Variants in NTRK3 observed in about 807,000 individuals in gnomAD.
NTRK3 encodes NT-3 growth factor receptor.
Under a neutral mutation model 91.7 loss-of-function variants are expected in NTRK3, and 24 were observed. That is an observed-to-expected ratio of 0.26 (90% confidence interval 0.19 to 0.37). The LOEUF (loss-of-function observed/expected upper bound fraction) is 0.37, where lower values mean the gene tolerates loss of function less well. NTRK3 is among the 10% of genes least tolerant of loss of function. The pLI is 1.00. For missense variants in NTRK3, 880 were observed against 1,068.9 expected (o/e 0.82, Z 2.46); for synonymous variants, 483 against 404.0 (o/e 1.20, Z -2.34).
intron 14 of NTRK3, among the ~76,000 whole-genome samples, chr15:88,022,706 C>CA (rs1567240520): frequency 6.6e-6 from 1 of 152,302 alleles, no homozygotes; most frequent in East Asian, 1.9e-4. Context: ...CGGGAAATGA[C>CA]ATTACTCCAA....
At chr15:88,211,476 G>C (rs954563846) in intron 3 of NTRK3, among the ~76,000 whole-genome samples, 1 of 152,170 alleles carries the variant, frequency 6.6e-6, no homozygotes, top group East Asian at 1.9e-4. Flanking sequence ...AGCCATTCAT[G>C]TTTATGTTTT....
intron 13 of NTRK3, among the ~76,000 whole-genome samples, chr15:88,089,784 A>G (rs1567376486): frequency 6.6e-6 from 1 of 152,130 alleles, no homozygotes; most frequent in African/African-American, 2.4e-5. Flanking sequence ...TTTCCCATGA[A>G]GCAGCCAGAG....
intron 3 of NTRK3, chr15:88,209,947 C>G (rs1158523180): frequency 6.6e-6 from 1 of 152,302 alleles, no homozygotes; most frequent in African/African-American, 2.4e-5. Context: ...CTAAACATAT[C>G]CCTCATCCCC....
exon 19 of NTRK3, chr15:87,860,040 C>T (rs953366798): frequency 9.9e-6 from 2 of 202,548 alleles, no homozygotes; most frequent in African/African-American, 2.3e-5. Context: ...TGTTTTTAAA[C>T]AAAAACCAAG....
At chr15:87,875,559 C>G (rs956469765) in exon 19 of NTRK3, 2 of 232,802 alleles carry the variant, frequency 8.6e-6, no homozygotes, top group African/African-American at 2.2e-5. Flanking sequence ...AGCCCTTCCC[C>G]CTACCCCAGC....
At chr15:88,078,107 A>C (rs2047715040) in intron 13 of NTRK3, among the ~76,000 whole-genome samples, 1 of 152,212 alleles carries the variant, frequency 6.6e-6, no homozygotes, top group African/African-American at 2.4e-5. Flanking sequence ...CAGAAGCTTG[A>C]ATCTATAAGG....
intron 6 of NTRK3, among the ~76,000 whole-genome samples, chr15:88,137,781 G>A (rs748076845): frequency 8.5e-5 from 13 of 152,182 alleles, no homozygotes; most frequent in East Asian, 1.9e-4. Flanking sequence ...AGCCAGGTGC[G>A]GTGGCTCATG....
At chr15:88,082,193 G>C (rs1039865141) in intron 13 of NTRK3, among the ~76,000 whole-genome samples, 2 of 151,712 alleles carry the variant, frequency 1.3e-5, no homozygotes, top group Non-Finnish European at 2.9e-5. Context: ...CAGGAGAATG[G>C]AGTGAACCCG....
Position 88,241,197 on chromosome 15 carries a change from C to T in NTRK3, c.248+14709G>A, listed in dbSNP as rs1347067714. 3.3e-5 allele frequency among the ~76,000 whole-genome samples: 5 copies of T among 152,190 alleles called. No individual in the cohort carries two copies. In the East Asian group the frequency reaches 5.8e-4, roughly 18 times the overall value. On this transcript the variant is annotated intron_variant, in intron 3 of 18. Coordinates refer to ENST00000394480, the Ensembl canonical transcript of NTRK3. The surrounding 1 kb of genome is among the most constrained non-coding windows in gnomAD (Gnocchi z 4.3). Reference sequence around the variant, plus strand: ...AGCTGGACTGAGACACTAGCTGTGCCGCCCTCTTCTGTTCAGTGACCTCCT... The same window carrying T: ...AGCTGGACTGAGACACTAGCTGTGCTGCCCTCTTCTGTTCAGTGACCTCCT...
intron 14 of NTRK3, among the ~76,000 whole-genome samples, chr15:88,030,615 T>G (rs894599726): frequency 6.6e-6 from 1 of 152,180 alleles, no homozygotes; most frequent in African/African-American, 2.4e-5. Flanking sequence ...ATTTGGGAAT[T>G]CACTTACTTT....
chr15:88,058,762 G>A (rs531477412), intron 13 of NTRK3, among the ~76,000 whole-genome samples: 1 of 152,218 alleles, frequency 6.6e-6, no homozygotes, highest in South Asian at 2.1e-4. Context: ...GTCATGTTCA[G>A]GAAAGCAATT....
chr15:88,033,067 C>T (rs772318018), intron 13 of NTRK3, 22 bp from the exon 14 acceptor site: 74 of 1,557,174 alleles, frequency 4.8e-5, no homozygotes, highest in Non-Finnish European at 6.3e-5. Flanking sequence ...AAGAGAGACG[C>T]AGGACCTGGT....
intron 3 of NTRK3, among the ~76,000 whole-genome samples, chr15:88,211,103 A>G (rs2049203452): frequency 6.6e-6 from 1 of 152,232 alleles, no homozygotes; most frequent in Non-Finnish European, 1.5e-5. Flanking sequence ...ATGTCATGCA[A>G]ACATCACTTC....
chr15:88,175,068 C>A (rs993666991), intron 5 of NTRK3, among the ~76,000 whole-genome samples: 1 of 152,222 alleles, frequency 6.6e-6, no homozygotes, highest in East Asian at 1.9e-4. Context: ...ATAGATTAGA[C>A]ACCAAGTTTC....
At chr15:88,046,831 G>A (rs768247431) in intron 13 of NTRK3, among the ~76,000 whole-genome samples, 9 of 152,166 alleles carry the variant, frequency 5.9e-5, no homozygotes, top group East Asian at 1.9e-4. Flanking sequence ...TTCGAACAGC[G>A]CTGCAGCAGG....
At chr15:88,009,641 G>A (rs950493253) in intron 14 of NTRK3, among the ~76,000 whole-genome samples, 2 of 152,184 alleles carry the variant, frequency 1.3e-5, no homozygotes, top group Non-Finnish European at 2.9e-5. Flanking sequence ...TGACCCTCCT[G>A]CTGCTGTTTT....
intron 5 of NTRK3, among the ~76,000 whole-genome samples, chr15:88,150,390 C>G (rs1457002284): frequency 6.6e-6 from 1 of 152,204 alleles, no homozygotes; most frequent in African/African-American, 2.4e-5. Flanking sequence ...AACAGACATT[C>G]TGGGCAAATA....
intron 3 of NTRK3, among the ~76,000 whole-genome samples, chr15:88,192,503 T>G (rs920592189): frequency 6.6e-6 from 1 of 152,142 alleles, no homozygotes; most frequent in Non-Finnish European, 1.5e-5. Flanking sequence ...CTACCTGGCC[T>G]CCCTGCTTTC....
chr15:88,092,804 A>G (rs930505461), intron 13 of NTRK3, among the ~76,000 whole-genome samples: 6 of 152,072 alleles, frequency 3.9e-5, no homozygotes, highest in Non-Finnish European at 8.8e-5. Context: ...CAAGGCCAGC[A>G]CCTTCAAATC....
Sources: allele counts gnomAD v4.1 joint callset (sites outside exome capture counted in the v4.1 genomes callset), GRCh38; gene constraint gnomAD v4.1.1; non-coding constraint Gnocchi (gnomAD v3.1); transcripts MANE v1.5; gene names NCBI Gene and HGNC (gene_info 2026-07-23, HGNC 2026-07-21).